The following ZNF385D variants were observed in gnomAD, a reference collection of about 807,000 sequenced individuals.
ZNF385D encodes zinc finger protein 385D.
ZNF385D carries 15 observed loss-of-function variants against 35.8 expected under a neutral mutation model. That is an observed-to-expected ratio of 0.42 (90% confidence interval 0.28 to 0.64). The LOEUF is 0.64. Among genes scored for constraint, ZNF385D ranks in the 30% least tolerant of loss-of-function variants. The probability of loss-of-function intolerance (pLI) is 0.23; values close to 1 mark genes in which losing one functional copy is unlikely to be tolerated. For synonymous variants in ZNF385D, 212 were observed against 186.8 expected, an observed-to-expected ratio of 1.13 and a Z score of -1.10; for missense variants, 474 against 494.6, an observed-to-expected ratio of 0.96 and a Z score of 0.39.
At chr3:21,786,271 C>A (rs920005526) in intron 3 of ZNF385D, among the ~76,000 whole-genome samples, 1 of 152,164 alleles carries the variant, frequency 6.6e-6, no homozygotes, top group Non-Finnish European at 1.5e-5. Flanking sequence ...AGACAGGTCA[C>A]TGTGTCCTAC....
intron 3 of ZNF385D, among the ~76,000 whole-genome samples, chr3:21,954,078 A>C (rs549759328): frequency 2.0e-5 from 3 of 151,992 alleles, no homozygotes; most frequent in Admixed American, 2.0e-4. Flanking sequence ...TAATCACAGC[A>C]TAAGTGCTGC....
At chr3:22,136,794 A>C (rs1281451007) in intron 3 of ZNF385D, among the ~76,000 whole-genome samples, 1 of 152,176 alleles carries the variant, frequency 6.6e-6, no homozygotes, top group Admixed American at 6.6e-5. Flanking sequence ...AAAGACATGG[A>C]GGAAACTTAA....
At chr3:21,938,989 C>T (rs1701389522) in intron 3 of ZNF385D, among the ~76,000 whole-genome samples, 1 of 152,182 alleles carries the variant, frequency 6.6e-6, no homozygotes, top group African/African-American at 2.4e-5. Context: ...TTTTGTGCTT[C>T]CTGGTATCTG....
At chr3:22,059,321 T>C (rs931132511) in intron 3 of ZNF385D, among the ~76,000 whole-genome samples, 1 of 152,034 alleles carries the variant, frequency 6.6e-6, no homozygotes, top group Non-Finnish European at 1.5e-5. Context: ...GGGAGAAGTG[T>C]GTAGTCTGGG....
chr3:22,307,426 G>A (rs1394521099), intron 2 of ZNF385D, among the ~76,000 whole-genome samples: 1 of 152,136 alleles, frequency 6.6e-6, no homozygotes, highest in African/African-American at 2.4e-5. Flanking sequence ...AAAGCTTCAT[G>A]ATAGCAGTGG....
At chr3:21,846,446 C>T (rs1465870555) in intron 3 of ZNF385D, among the ~76,000 whole-genome samples, 1 of 151,946 alleles carries the variant, frequency 6.6e-6, no homozygotes, top group Non-Finnish European at 1.5e-5. Context: ...TTGTGTGCTC[C>T]TGATCTTTTC....
intron 2 of ZNF385D, among the ~76,000 whole-genome samples, chr3:22,231,812 G>A (rs1275753857): frequency 1.3e-5 from 2 of 152,022 alleles, no homozygotes; most frequent in African/African-American, 4.8e-5. Flanking sequence ...GAAAATGATT[G>A]GATCATAGGG....
chr3:22,129,188 G>C (rs1429646469), intron 3 of ZNF385D, among the ~76,000 whole-genome samples: 1 of 152,076 alleles, frequency 6.6e-6, no homozygotes, highest in African/African-American at 2.4e-5. Context: ...CAAACAAACA[G>C]AGTCTCTCTC....
chr3:21,968,076 G>T (rs1703010182), intron 3 of ZNF385D, among the ~76,000 whole-genome samples: 2 of 152,158 alleles, frequency 1.3e-5, no homozygotes, highest in Non-Finnish European at 2.9e-5. Flanking sequence ...GGTGTACGGT[G>T]CAGAGAGAGT....
At chr3:21,727,250 G>A (rs2068804651) in intron 1 of ZNF385D, among the ~76,000 whole-genome samples, 1 of 152,096 alleles carries the variant, frequency 6.6e-6, no homozygotes, top group Non-Finnish European at 1.5e-5. Flanking sequence ...TACCATTCAG[G>A]ACATAGGCAT....
chr3:22,123,382 G>C (rs1016374388), intron 3 of ZNF385D, among the ~76,000 whole-genome samples: 1 of 152,150 alleles, frequency 6.6e-6, no homozygotes, highest in East Asian at 1.9e-4. Context: ...ATATTTTGGT[G>C]TATATATTGA....
intron 3 of ZNF385D, chr3:21,878,081 A>G (rs1025596983): frequency 6.6e-6 from 1 of 152,044 alleles, no homozygotes; most frequent in African/African-American, 2.4e-5. Context: ...ATGGTGTATC[A>G]TAACATTGCA....
intron 1 of ZNF385D, among the ~76,000 whole-genome samples, chr3:21,700,173 AG>A (rs1469396897): frequency 6.6e-6 from 1 of 151,948 alleles, no homozygotes; most frequent in East Asian, 1.9e-4. Flanking sequence ...GCAGGGCTAG[AG>A]AATGTCGGGG....
chr3:21,678,623 A>G (rs770423443), intron 1 of ZNF385D, among the ~76,000 whole-genome samples: 6 of 152,084 alleles, frequency 3.9e-5, no homozygotes, highest in Non-Finnish European at 8.8e-5. Context: ...TTAAATTGTA[A>G]AGATTATTTT....
intron 3 of ZNF385D, among the ~76,000 whole-genome samples, chr3:21,805,749 G>A (rs2072612389): frequency 6.6e-6 from 1 of 152,136 alleles, no homozygotes; most frequent in Non-Finnish European, 1.5e-5. Context: ...TTCCTCTCCT[G>A]TCCATCAAGT....
intron 1 of ZNF385D, among the ~76,000 whole-genome samples, chr3:21,733,975 T>G (rs543462444): frequency 6.6e-6 from 1 of 152,144 alleles, no homozygotes; most frequent in East Asian, 1.9e-4. Flanking sequence ...AATTATTTAA[T>G]TATTATGTTT....
chr3:22,156,234 A>C (rs1705571753), intron 3 of ZNF385D, among the ~76,000 whole-genome samples: 1 of 104,846 alleles, frequency 9.5e-6, no homozygotes, highest in Non-Finnish European at 2.6e-5. Context: ...TGTAACAAGA[A>C]ACAAGAAAAA....
chr3:21,463,447 G>A (rs2125319226), intron 4 of ZNF385D, among the ~76,000 whole-genome samples: 1 of 152,322 alleles, frequency 6.6e-6, no homozygotes, highest in Non-Finnish European at 1.5e-5. Context: ...CAGTGGCACA[G>A]CGAAGCAGTC....
intron 3 of ZNF385D, among the ~76,000 whole-genome samples, chr3:22,165,489 C>T (rs755252734): frequency 6.6e-6 from 1 of 152,102 alleles, no homozygotes; most frequent in African/African-American, 2.4e-5. Context: ...TCAGCAAAAT[C>T]ATGTGGGAAA....
Sources: gnomAD v4.1 joint callset for allele counts (sites outside exome capture counted in the v4.1 genomes callset) on GRCh38, gnomAD v4.1.1 for gene constraint, MANE v1.5 for transcripts, NCBI Gene and HGNC (gene_info 2026-07-23, HGNC 2026-07-21) for gene names.